The following PBRM1 variants were observed in gnomAD, a reference collection of about 807,000 sequenced individuals.
The protein encoded by PBRM1 is protein polybromo-1.
PBRM1 carries 27 observed loss-of-function variants against 194.5 expected under a neutral mutation model. The ratio of observed to expected loss-of-function variants is 0.14; its 90% CI spans 0.10 to 0.19. The LOEUF (loss-of-function observed/expected upper bound fraction) is 0.19, where lower values mean the gene tolerates loss of function less well. PBRM1 is among the 10% of genes least tolerant of loss of function. PBRM1 has a pLI of 1.00. For missense variants in PBRM1, 1,466 were observed against 2,077.2 expected, an observed-to-expected ratio of 0.71 and a Z score of 5.72; for synonymous variants, 655 against 693.2, an observed-to-expected ratio of 0.94 and a Z score of 0.87.
At chr3:52,649,810 T>C (rs549170790) in intron 6 of PBRM1, among the ~76,000 whole-genome samples, 13 of 152,240 alleles carry the variant, frequency 8.5e-5, no homozygotes, top group African/African-American at 3.1e-4. Context: ...AATAGATTAT[T>C]CCAGTAATTT....
In PBRM1 at chr3:52,609,285, C is replaced by G; in HGVS notation, c.2567+28G>C. ...TTTTGTATTAAATAGCACATATCCT[C>G]AAAATAAAAATGGCTTTGAAAACAT... On this transcript the variant is annotated intron_variant, in intron 16 of 29. Transcript: ENST00000296302. The surrounding 1 kb of genome is among the most constrained non-coding windows in gnomAD (Gnocchi z 4.1). 1 of 1,566,652 alleles carries G rather than the reference C, an allele frequency of 6.4e-7. No homozygotes were observed. Among genetic ancestry groups the G allele is most frequent in the Non-Finnish European group, 8.7e-7 (1 of 1,144,596 alleles).
chr3:52,607,060 T>G (rs906759363), intron 16 of PBRM1, among the ~76,000 whole-genome samples: 2 of 152,184 alleles, frequency 1.3e-5, no homozygotes, highest in Non-Finnish European at 2.9e-5. Context: ...AACATGGAAA[T>G]CTACGGTATG....
chr3:52,548,037 T>C, exon 30 of PBRM1: 1 of 1,592,126 alleles, frequency 6.3e-7, no homozygotes, highest in Non-Finnish European at 8.6e-7. Flanking sequence ...TTTATGCTTC[T>C]ATATAAAAGA....
chr3:52,584,737 T>C (rs2092088826), intron 20 of PBRM1, among the ~76,000 whole-genome samples: 1 of 152,162 alleles, frequency 6.6e-6, no homozygotes, highest in African/African-American at 2.4e-5. Context: ...ATTACAGGTA[T>C]GAGCCAACAC....
intron 23 of PBRM1, 113 bp from the exon 26 acceptor site, chr3:52,563,606 T>TG: frequency 1.4e-6 from 1 of 694,570 alleles, no homozygotes; most frequent in Non-Finnish European, 2.6e-6. Flanking sequence ...CTGCAATATA[T>TG]GCTCTAAAGG....
At chr3:52,649,193 T>A (rs1396731487) in intron 6 of PBRM1, among the ~76,000 whole-genome samples, 1 of 152,124 alleles carries the variant, frequency 6.6e-6, no homozygotes, top group African/African-American at 2.4e-5. Flanking sequence ...ATTTGCCTCG[T>A]GGGACTACCA....
At chr3:52,638,226 T>G in intron 10 of PBRM1, among the ~76,000 whole-genome samples, 1 of 152,214 alleles carries the variant, frequency 6.6e-6, no homozygotes, top group East Asian at 1.9e-4. Flanking sequence ...TAGGTTATAT[T>G]AGATTCACAG....
intron 25 of PBRM1, among the ~76,000 whole-genome samples, chr3:52,559,782 C>T (rs919083477): frequency 4.0e-5 from 6 of 151,560 alleles, no homozygotes; most frequent in African/African-American, 1.5e-4. Context: ...AGTTTACAGA[C>T]CCTTTGTACA....
At chr3:52,655,249 C>A (rs2096587983) in intron 5 of PBRM1, among the ~76,000 whole-genome samples, 1 of 152,116 alleles carries the variant, frequency 6.6e-6, no homozygotes, top group African/African-American at 2.4e-5. Flanking sequence ...TTCCCTCCAG[C>A]CCCTGGCAAC....
At chr3:52,645,318 T>TTTTC (rs1232368182) in intron 7 of PBRM1, among the ~76,000 whole-genome samples, 3 of 151,666 alleles carry the variant, frequency 2.0e-5, no homozygotes, top group Non-Finnish European at 4.4e-5. Context: ...ATTCATCTTT[T>TTTTC]TTTCTTTCTT....
intron 3 of PBRM1, 82 bp from the exon 5 acceptor site, chr3:52,662,358 G>A (rs2153932819): frequency 8.4e-7 from 1 of 1,185,152 alleles, no homozygotes; most frequent in Non-Finnish European, 1.2e-6. Flanking sequence ...ACCTGTTTCA[G>A]CAAAGACCAA....
chr3:52,555,887 A>G lies in PBRM1; in HGVS notation c.4454-1008T>C, dbSNP rs141955725. Among the ~76,000 whole-genome samples, 405 of 152,370 alleles carry G rather than the reference A, an allele frequency of 2.7e-3. 1 individual carries two copies. The highest frequency in any genetic ancestry group is 4.8e-3 in the Non-Finnish European group (326 of 68,038). ...CAAAATGTCAAGGACTCACCTATCA[A>G]AAGACCTTTAAAACCACATGGCATT... On this transcript the variant is annotated intron_variant, in intron 26 of 29. Transcript: ENST00000296302.
At chr3:52,596,253 C>A (rs1170250262) in intron 17 of PBRM1, among the ~76,000 whole-genome samples, 1 of 151,634 alleles carries the variant, frequency 6.6e-6, no homozygotes, top group African/African-American at 2.4e-5. Flanking sequence ...TCCTGGCCAA[C>A]ATGGTGAAAC....
chr3:52,669,339 TTATAA>T (rs2096903251), intron 2 of PBRM1, among the ~76,000 whole-genome samples: 1 of 152,178 alleles, frequency 6.6e-6, no homozygotes, highest in African/African-American at 2.4e-5. Context: ...TTGTAGGTAA[TTATAA>T]TGACAAAATT....
intron 22 of PBRM1, among the ~76,000 whole-genome samples, chr3:52,575,652 T>C (rs2089335705): frequency 6.7e-6 from 1 of 148,480 alleles, no homozygotes; most frequent in Admixed American, 6.9e-5. Flanking sequence ...ATTACAGACA[T>C]GTGCCACCAT....
chr3:52,571,626 CAAAAAAAAAAAAA>C (rs778993265), intron 22 of PBRM1, among the ~76,000 whole-genome samples: 1 of 38,706 alleles, frequency 2.6e-5, no homozygotes, highest in Non-Finnish European at 4.4e-5. Context: ...AACTCCATCT[CAAAAAAAAAAAAA>C]AAAAAAAAAA....
chr3:52,554,070 G>C (rs188663612), intron 27 of PBRM1, among the ~76,000 whole-genome samples: 10 of 152,168 alleles, frequency 6.6e-5, no homozygotes, highest in Non-Finnish European at 1.2e-4. Context: ...AAAGTGCTGG[G>C]ATTACAGGCA....
chr3:52,602,261 C>T (rs2094052391), intron 17 of PBRM1, among the ~76,000 whole-genome samples: 1 of 152,160 alleles, frequency 6.6e-6, no homozygotes. Flanking sequence ...TCCTCTGGAG[C>T]TCCCACTATA....
At chr3:52,679,673 G>A (rs1338566780) in exon 1 of PBRM1, 1 of 1,613,582 alleles carries the variant, frequency 6.2e-7, no homozygotes, top group Non-Finnish European at 8.5e-7. Context: ...CGCTGACACT[G>A]CTGGAAGGGG....
Sources: gnomAD v4.1 joint callset for allele counts (sites outside exome capture counted in the v4.1 genomes callset) on GRCh38, gnomAD v4.1.1 for gene constraint, Gnocchi (gnomAD v3.1) non-coding constraint, MANE v1.5 for transcripts, NCBI Gene and HGNC (gene_info 2026-07-23, HGNC 2026-07-21) for gene names.